Variants in DNAJC5 observed in about 807,000 individuals in gnomAD.
DNAJC5 encodes DnaJ heat shock protein family (Hsp40) member C5, also known as dnaJ homolog subfamily C member 5.
DNAJC5 carries 1 observed loss-of-function variant against 23.2 expected under a neutral mutation model. The ratio of observed to expected loss-of-function variants is 0.04; its 90% CI spans 0.02 to 0.20. The LOEUF (loss-of-function observed/expected upper bound fraction) is 0.20. Among genes scored for constraint, DNAJC5 ranks in the 10% least tolerant of loss-of-function variants. The pLI is 1.00. For missense variants in DNAJC5, 180 were observed against 267.0 expected (o/e 0.67, Z 2.27); for synonymous variants, 136 against 120.0 (o/e 1.13, Z -0.87).
intron 1 of DNAJC5, among the ~76,000 whole-genome samples, chr20:63,911,792 A>G (rs1278448513): frequency 6.6e-6 from 1 of 151,336 alleles, no homozygotes; most frequent in African/African-American, 2.4e-5. Flanking sequence ...TCCCATCCCA[A>G]CCACCTGAGT....
In DNAJC5 at chr20:63,931,856, G is replaced by A. The variant is rs1005558314; in HGVS notation, c.*288G>A. On this transcript the variant is annotated 3_prime_UTR_variant, in exon 5 of 5. Coordinates refer to ENST00000360864, the MANE Select transcript of DNAJC5 (RefSeq NM_025219.3). This position sits in a 1 kb window ranked among gnomAD's most constrained non-coding sequence, Gnocchi z 9.6. ...TGTGGACATTCCGCGGCATGACCGCGTGAACTGCACGGTGGAGCTGCCTCA... is the reference window on the plus strand; with the variant it reads ...TGTGGACATTCCGCGGCATGACCGCATGAACTGCACGGTGGAGCTGCCTCA... 1.7e-5 allele frequency: 8 copies of A among 462,032 alleles called. No individual in the cohort carries two copies. The highest frequency in any genetic ancestry group is 5.9e-5 in the African/African-American group (3 of 50,458). The allele number at this position is 462,032 out of a possible 1,614,324, so 28.6% of individuals were successfully genotyped here.
At chr20:63,895,857 GT>G in intron 1 of DNAJC5, among the ~76,000 whole-genome samples, 1 of 152,176 alleles carries the variant, frequency 6.6e-6, no homozygotes. Context: ...GAAAAAACCT[GT>G]TTTCTCCGCT....
intron 1 of DNAJC5, among the ~76,000 whole-genome samples, chr20:63,896,577 C>T (rs946104133): frequency 1.3e-5 from 2 of 152,160 alleles, no homozygotes; most frequent in Non-Finnish European, 2.9e-5. Context: ...CTTGCTAGTT[C>T]TGAACAGAGC....
intron 1 of DNAJC5, among the ~76,000 whole-genome samples, chr20:63,913,957 C>G (rs2053499489): frequency 6.6e-6 from 1 of 152,302 alleles, no homozygotes; most frequent in East Asian, 1.9e-4. Flanking sequence ...TGGAATGTCT[C>G]TCTCTGAGCA....
At chr20:63,925,123 C>T (rs926160516) in intron 1 of DNAJC5, among the ~76,000 whole-genome samples, 5 of 152,228 alleles carry the variant, frequency 3.3e-5, no homozygotes, top group Admixed American at 3.3e-4. Flanking sequence ...ATGCGGAGTG[C>T]TTGCAGAGCT....
In DNAJC5 at chr20:63,920,339, T is replaced by A. The variant is rs1213458370; in HGVS notation, c.-11-7996T>A. 6.6e-6 allele frequency among the ~76,000 whole-genome samples: 1 copy of A among 152,196 alleles called. No homozygotes were observed. Among genetic ancestry groups the A allele is most frequent in the Admixed American group, 6.5e-5 (1 of 15,286 alleles). ...TCTGTGTCTGCCCGGGAACAGGTAG[T>A]CCTGCGTCGGACCGGGAAGTGTGGT... On this transcript the variant is annotated intron_variant, in intron 1 of 4. Transcript: ENST00000360864. This position sits in a 1 kb window ranked among gnomAD's most constrained non-coding sequence, Gnocchi z 4.6.
chr20:63,904,865 G>T (rs564664921), intron 1 of DNAJC5, among the ~76,000 whole-genome samples: 5 of 151,076 alleles, frequency 3.3e-5, no homozygotes, highest in Admixed American at 3.3e-4. Flanking sequence ...GTGCAACGGC[G>T]CGATCTCGGC....
At chr20:63,904,177 G>T (rs961574527) in intron 1 of DNAJC5, among the ~76,000 whole-genome samples, 2 of 152,108 alleles carry the variant, frequency 1.3e-5, no homozygotes. Flanking sequence ...AGCCATGCAG[G>T]GTGGGTCTTA....
In DNAJC5 at chr20:63,926,735, C is replaced by A. The variant is rs192523484; in HGVS notation, c.-11-1600C>A. 2.9e-3 allele frequency among the ~76,000 whole-genome samples: 449 copies of A among 152,306 alleles called. 2 individuals are homozygous for A. The highest frequency in any genetic ancestry group is 5.5e-3 in the Admixed American group (84 of 15,300). On this transcript the variant is annotated intron_variant, in intron 1 of 4. Transcript: ENST00000360864. ...TCCTCCCACCCCTTTCTATTCGGGACCCCCGTGGACTGGGACGACACTCAC... is the reference window on the plus strand; with the variant it reads ...TCCTCCCACCCCTTTCTATTCGGGAACCCCGTGGACTGGGACGACACTCAC...
At chr20:63,912,711 G>A (rs937474881) in intron 1 of DNAJC5, among the ~76,000 whole-genome samples, 2 of 152,162 alleles carry the variant, frequency 1.3e-5, no homozygotes, top group Non-Finnish European at 2.9e-5. Context: ...GGGTTCAAGC[G>A]ATTCTTGTGA....
At chr20:63,915,251 A>C (rs756756527) in intron 1 of DNAJC5, among the ~76,000 whole-genome samples, 6 of 152,162 alleles carry the variant, frequency 3.9e-5, no homozygotes, top group Non-Finnish European at 8.8e-5. Context: ...GATTTCTTGA[A>C]CAAAAAAGGG....
chr20:63,927,426 C>T (rs187582755), intron 1 of DNAJC5, among the ~76,000 whole-genome samples: 14 of 152,250 alleles, frequency 9.2e-5, no homozygotes, highest in Admixed American at 3.3e-4. Flanking sequence ...ATCCCAGCTA[C>T]TCCTGTGTGA....
At chr20:63,904,702 ACTGACAG>A (rs771997711) in intron 1 of DNAJC5, among the ~76,000 whole-genome samples, 4 of 152,230 alleles carry the variant, frequency 2.6e-5, no homozygotes, top group Non-Finnish European at 4.4e-5. Context: ...CAGCTGGCTG[ACTGACAG>A]CTGCCTCCCA....
intron 1 of DNAJC5, among the ~76,000 whole-genome samples, chr20:63,897,604 G>A (rs1238355671): frequency 6.6e-6 from 1 of 152,178 alleles, no homozygotes; most frequent in Non-Finnish European, 1.5e-5. Context: ...AGATCTGCCA[G>A]TGGTAATAAT....
chr20:63,901,083 G>A (rs1269194464), intron 1 of DNAJC5, among the ~76,000 whole-genome samples: 3 of 152,210 alleles, frequency 2.0e-5, no homozygotes, highest in African/African-American at 4.8e-5. Flanking sequence ...TTCTGCCTCA[G>A]CCTCTTGAGT....
At position 63,931,352 on chromosome 20, in the gene DNAJC5, G is replaced by A; in HGVS notation, c.494-113G>A. The A allele has an allele frequency of 1.9e-6, 2 of 1,049,554 alleles. No homozygotes were observed. The highest frequency in any genetic ancestry group is 2.7e-5 in the South Asian group (2 of 74,114). The allele number at this position is 1,049,554 out of a possible 1,614,324, so 65.0% of individuals were successfully genotyped here. ...CGTGTGGGGTGGAGGTCAGCGAGTA[G>A]CCTCTCCCGGTGGAGAGTTTGTCCA... On this transcript the variant is annotated intron_variant, in intron 4 of 4. Coordinates refer to ENST00000360864, the MANE Select transcript of DNAJC5 (RefSeq NM_025219.3). The surrounding 1 kb of genome is among the most constrained non-coding windows in gnomAD (Gnocchi z 9.6).
intron 1 of DNAJC5, among the ~76,000 whole-genome samples, chr20:63,902,256 G>A (rs2053418112): frequency 6.6e-6 from 1 of 151,022 alleles, no homozygotes; most frequent in African/African-American, 2.4e-5. Flanking sequence ...GGGTTTCACC[G>A]TGTTAGCCAG....
Position 63,929,993 on chromosome 20 carries a change from G to T in DNAJC5, c.321+468G>T, listed in dbSNP as rs1453449873. ...GCCGCCAGGGTTTCTTCTGTAAATG[G>T]CTCCCAGTCCTTCGTGAGACAGGAG... is the stretch of plus-strand genomic sequence containing the variant. On this transcript the variant is annotated intron_variant, in intron 3 of 4. Transcript: ENST00000360864. This position sits in a 1 kb window ranked among gnomAD's most constrained non-coding sequence, Gnocchi z 8.6. 6.6e-6 allele frequency among the ~76,000 whole-genome samples: 1 copy of T among 152,194 alleles called. No homozygotes were observed. Among genetic ancestry groups the T allele is most frequent in the Non-Finnish European group, 1.5e-5 (1 of 68,038 alleles).
At chr20:63,900,762 G>A (rs867488066) in intron 1 of DNAJC5, among the ~76,000 whole-genome samples, 1 of 152,134 alleles carries the variant, frequency 6.6e-6, no homozygotes, top group Non-Finnish European at 1.5e-5. Flanking sequence ...TTAAACCTGA[G>A]TGACATTTTT....
Sources: allele counts gnomAD v4.1 joint callset (sites outside exome capture counted in the v4.1 genomes callset), GRCh38; gene constraint gnomAD v4.1.1; non-coding constraint Gnocchi (gnomAD v3.1); transcripts MANE v1.5; gene names NCBI Gene and HGNC (gene_info 2026-07-23, HGNC 2026-07-21).